Variants in SNTG1 observed in about 807,000 individuals in gnomAD.
The protein encoded by SNTG1 is syntrophin gamma 1, also known as gamma-1-syntrophin.
SNTG1 carries 39 observed loss-of-function variants against 74.7 expected under a neutral mutation model. That is an observed-to-expected ratio of 0.52 (90% confidence interval 0.40 to 0.68). The LOEUF (loss-of-function observed/expected upper bound fraction) is 0.68, where lower values mean the gene tolerates loss of function less well. SNTG1 is among the 30% of genes least tolerant of loss of function. The pLI is 0.00. For synonymous variants in SNTG1, 254 were observed against 217.1 expected (o/e 1.17, Z -1.49); for missense variants, 685 against 609.5 (o/e 1.12, Z -1.30).
intron 8 of SNTG1, among the ~76,000 whole-genome samples, chr8:50,473,304 T>G (rs2093668094): frequency 6.6e-6 from 1 of 152,170 alleles, no homozygotes; most frequent in Non-Finnish European, 1.5e-5. Flanking sequence ...CCTTCTGCTA[T>G]AACTGTAAAA....
At position 50,513,970 on chromosome 8, in the gene SNTG1, G is replaced by A. The variant is rs1490329435; in HGVS notation, c.466+11090G>A. ...CCAATGAGATGAACCCAGTATCTCA[G>A]TTGGAAATGCAGGAATCACCCGTCT... is the stretch of plus-strand genomic sequence containing the variant. On this transcript the variant is annotated intron_variant, in intron 9 of 18. Coordinates refer to ENST00000642720, the MANE Select transcript of SNTG1 (RefSeq NM_018967.5). Among the ~76,000 whole-genome samples, 3 of 152,192 alleles carry A rather than the reference G, an allele frequency of 2.0e-5. No individual in the cohort carries two copies. In the East Asian group the frequency reaches 5.8e-4, roughly 29 times the overall value.
chr8:50,524,849 T>C (rs1378032965), intron 9 of SNTG1, among the ~76,000 whole-genome samples: 1 of 152,110 alleles, frequency 6.6e-6, no homozygotes, highest in Admixed American at 6.6e-5. Flanking sequence ...CAATCTCCCA[T>C]GGAGGAATGA....
intron 2 of SNTG1, among the ~76,000 whole-genome samples, chr8:50,335,252 T>C (rs1049529016): frequency 6.6e-6 from 1 of 152,206 alleles, no homozygotes; most frequent in African/African-American, 2.4e-5. Flanking sequence ...AACCACAAAC[T>C]TGGTGGTTTA....
At chr8:50,094,521 T>C (rs922660756) in intron 1 of SNTG1, among the ~76,000 whole-genome samples, 6 of 151,816 alleles carry the variant, frequency 4.0e-5, no homozygotes, top group African/African-American at 1.4e-4. Context: ...AAATGAGCAA[T>C]GGATATGAAC....
intron 2 of SNTG1, among the ~76,000 whole-genome samples, chr8:50,338,961 A>C (rs2091236966): frequency 6.6e-6 from 1 of 152,136 alleles, no homozygotes. Context: ...GAATATACAG[A>C]AACTAAAAGC....
intron 2 of SNTG1, among the ~76,000 whole-genome samples, chr8:50,180,704 G>A (rs572289535): frequency 7.0e-6 from 1 of 143,458 alleles, no homozygotes; most frequent in East Asian, 2.2e-4. Flanking sequence ...CTATATAATA[G>A]CATTTTAGAT....
At chr8:50,509,735 A>T (rs989743205) in intron 9 of SNTG1, among the ~76,000 whole-genome samples, 1 of 152,108 alleles carries the variant, frequency 6.6e-6, no homozygotes, top group African/African-American at 2.4e-5. Context: ...ATTGGTGTGT[A>T]AGAAGGCTTG....
At position 50,566,851 on chromosome 8, in the gene SNTG1, C is replaced by A. The variant is rs186874842; in HGVS notation, c.810+13672C>A. Among the ~76,000 whole-genome samples the A allele has an allele frequency of 4.3e-3, 647 of 152,084 alleles. 9 individuals are homozygous for A. Among genetic ancestry groups the A allele is most frequent in the African/African-American group, 0.014 (586 of 41,550 alleles). On this transcript the variant is annotated intron_variant, in intron 12 of 18. Transcript: ENST00000642720. ...ATGTGTACTTGACTTCAATTTGCTC[C>A]TTAGAAACAGAAACTAGGTAACTTT...
chr8:49,949,200 G>A (rs1809482636), intron 1 of SNTG1, among the ~76,000 whole-genome samples: 1 of 152,202 alleles, frequency 6.6e-6, no homozygotes, highest in African/African-American at 2.4e-5. Flanking sequence ...GACCAGTGGG[G>A]ATGTTGTCTA....
chr8:50,084,172 G>C (rs1287768692), intron 1 of SNTG1, among the ~76,000 whole-genome samples: 1 of 151,972 alleles, frequency 6.6e-6, no homozygotes, highest in Non-Finnish European at 1.5e-5. Context: ...TAAGTAAACT[G>C]TAAAACTGGC....
intron 12 of SNTG1, among the ~76,000 whole-genome samples, chr8:50,569,757 C>T (rs2130749577): frequency 6.6e-6 from 1 of 152,220 alleles, no homozygotes; most frequent in South Asian, 2.1e-4. Flanking sequence ...TAGCCGCTGA[C>T]ATTTCTGAGT....
chr8:50,536,061 T>C (rs1329044737), intron 10 of SNTG1, among the ~76,000 whole-genome samples: 1 of 152,170 alleles, frequency 6.6e-6, no homozygotes. Context: ...CAAAACTTAA[T>C]GTATGTGTAA....
At chr8:50,490,285 T>A (rs1050002054) in intron 8 of SNTG1, among the ~76,000 whole-genome samples, 14 of 151,908 alleles carry the variant, frequency 9.2e-5, no homozygotes, top group African/African-American at 3.4e-4. Flanking sequence ...AAATTGAACG[T>A]AGTTTTTTCT....
At chr8:50,361,140 T>G (rs1251471690) in intron 2 of SNTG1, among the ~76,000 whole-genome samples, 1 of 152,282 alleles carries the variant, frequency 6.6e-6, no homozygotes, top group African/African-American at 2.4e-5. Flanking sequence ...ATTTTAACTT[T>G]TTTGCTTTTT....
intron 2 of SNTG1, among the ~76,000 whole-genome samples, chr8:50,303,970 A>G (rs2089767529): frequency 6.6e-6 from 1 of 152,212 alleles, no homozygotes; most frequent in African/African-American, 2.4e-5. Flanking sequence ...TAGTTATGCC[A>G]AAACAGATAT....
At chr8:50,513,865 G>C (rs1255670554) in intron 9 of SNTG1, among the ~76,000 whole-genome samples, 1 of 152,174 alleles carries the variant, frequency 6.6e-6, no homozygotes, top group Non-Finnish European at 1.5e-5. Context: ...GCACTTCCTA[G>C]GTGAGGCAAT....
chr8:50,740,033 AGG>A (rs2095539150), intron 17 of SNTG1, among the ~76,000 whole-genome samples: 1 of 152,128 alleles, frequency 6.6e-6, no homozygotes, highest in Non-Finnish European at 1.5e-5. Context: ...AATACAGCCT[AGG>A]CAATACCATT....
At chr8:49,910,373 T>C (rs76009606), upstream of SNTG1, among the ~76,000 whole-genome samples, 1 of 148,578 alleles carries the variant, frequency 6.7e-6, no homozygotes, top group African/African-American at 2.5e-5. Context: ...ATAACCTCCT[T>C]GTGCAGAAAT....
intron 8 of SNTG1, among the ~76,000 whole-genome samples, chr8:50,451,787 T>C (rs2093460364): frequency 4.6e-5 from 7 of 152,110 alleles, no homozygotes; most frequent in Admixed American, 3.9e-4. Context: ...ATTAAAAAAA[T>C]ACAGAAAGGA....
Sources: allele counts gnomAD v4.1 joint callset (sites outside exome capture counted in the v4.1 genomes callset), GRCh38; gene constraint gnomAD v4.1.1; transcripts MANE v1.5; gene names NCBI Gene and HGNC (gene_info 2026-07-23, HGNC 2026-07-21).